Variants in IFT81 observed in about 807,000 individuals in gnomAD.
The protein encoded by IFT81 is intraflagellar transport 81, also known as intraflagellar transport protein 81 homolog.
Under a neutral mutation model 102.6 loss-of-function variants are expected in IFT81, and 72 were observed. That is an observed-to-expected ratio of 0.70 (90% CI 0.58 to 0.85). The LOEUF (loss-of-function observed/expected upper bound fraction) is 0.85, where lower values mean the gene tolerates loss of function less well. IFT81 is among the 40% of genes least tolerant of loss of function. IFT81 has a pLI of 0.00. For missense variants in IFT81, 723 were observed against 787.3 expected, an observed-to-expected ratio of 0.92 and a Z score of 0.98; for synonymous variants, 237 against 242.7, an observed-to-expected ratio of 0.98 and a Z score of 0.22.
At chr12:110,144,964 C>T (rs1895126952) in intron 9 of IFT81, among the ~76,000 whole-genome samples, 1 of 144,750 alleles carries the variant, frequency 6.9e-6, no homozygotes, top group Admixed American at 7.1e-5. Flanking sequence ...CTTCTGGGTT[C>T]AAGCGATTCT....
intron 18 of IFT81, among the ~76,000 whole-genome samples, 193 bp downstream of exon 18, chr12:110,209,409 G>A (rs931816384): frequency 4.6e-5 from 7 of 151,972 alleles, no homozygotes; most frequent in Non-Finnish European, 1.0e-4. Flanking sequence ...ATGGATTTTT[G>A]AAAGAAAAAA....
chr12:110,125,273 A>C (rs1321844601), intron 1 of IFT81, among the ~76,000 whole-genome samples: 1 of 152,238 alleles, frequency 6.6e-6, no homozygotes, highest in Admixed American at 6.5e-5. Context: ...TATAGCTTAA[A>C]GGAAACCTCA....
chr12:110,135,186 T>C (rs1894409278), intron 6 of IFT81, 141 bp from the exon 7 acceptor site: 1 of 712,046 alleles, frequency 1.4e-6, no homozygotes, highest in Non-Finnish European at 2.4e-6. Context: ...TTCAAGGACC[T>C]GGAGCCTAGA....
chr12:110,170,461 T>C (rs1290046496), intron 11 of IFT81, among the ~76,000 whole-genome samples: 1 of 152,216 alleles, frequency 6.6e-6, no homozygotes, highest in Non-Finnish European at 1.5e-5. Context: ...GAATAGAACA[T>C]GTGCCTCTTG....
chr12:110,153,706 G>T (rs1008591487), intron 10 of IFT81, among the ~76,000 whole-genome samples: 1 of 149,346 alleles, frequency 6.7e-6, no homozygotes, highest in Non-Finnish European at 1.5e-5. Flanking sequence ...CGCCTCTCAG[G>T]TTTAAGTGAT....
chr12:110,163,545 T>C (rs538719968), intron 11 of IFT81, among the ~76,000 whole-genome samples: 1 of 150,672 alleles, frequency 6.6e-6, no homozygotes, highest in Admixed American at 6.6e-5. Flanking sequence ...CTGGCCATAC[T>C]GAGAATTTCT....
chr12:110,181,453 G>C (rs549983371), intron 12 of IFT81, among the ~76,000 whole-genome samples: 113 of 152,240 alleles, frequency 7.4e-4, no homozygotes, highest in African/African-American at 2.5e-3. Context: ...TGAATTTCCA[G>C]GTTATTTCCA....
rs968185328 is a variant in IFT81, at chr12:110,124,817, C to G, written c.-66C>G. The G allele has an allele frequency of 6.6e-6, 1 of 152,274 alleles. No homozygotes were observed. Among genetic ancestry groups the G allele is most frequent in the African/African-American group, 2.4e-5 (1 of 41,464 alleles). The allele number at this position is 152,274 out of a possible 1,614,324, so 9.4% of individuals were successfully genotyped here. Reference sequence around the variant, plus strand: ...CCCAAATTGTGCCAGAGAACACGCACGTCCTGGTTTTCATTGTTCCCCGCC... The same window carrying G: ...CCCAAATTGTGCCAGAGAACACGCAGGTCCTGGTTTTCATTGTTCCCCGCC... On this transcript the variant is annotated 5_prime_UTR_variant, in exon 1 of 19. Coordinates refer to ENST00000242591, the MANE Select transcript of IFT81 (RefSeq NM_014055.4).
chr12:110,160,365 A>G (rs1166437129), intron 10 of IFT81, among the ~76,000 whole-genome samples: 2 of 152,194 alleles, frequency 1.3e-5, no homozygotes, highest in African/African-American at 2.4e-5. Context: ...AAAGGCCTAG[A>G]GCCCCAGGAA....
At chr12:110,152,972 G>A (rs1895624103) in intron 10 of IFT81, among the ~76,000 whole-genome samples, 1 of 152,168 alleles carries the variant, frequency 6.6e-6, no homozygotes, top group South Asian at 2.1e-4. Context: ...TTACTCTGTT[G>A]ACAGTGTCTT....
intron 18 of IFT81, among the ~76,000 whole-genome samples, chr12:110,215,464 T>A (rs1157270390): frequency 9.5e-6 from 1 of 105,084 alleles, no homozygotes; most frequent in Non-Finnish European, 2.0e-5. Flanking sequence ...TTTTTTTTTT[T>A]TTTTTTTTTT....
At chr12:110,142,766 A>G (rs1593292730) in intron 8 of IFT81, among the ~76,000 whole-genome samples, 1 of 151,822 alleles carries the variant, frequency 6.6e-6, no homozygotes. Context: ...GGTGATGTAC[A>G]CCTGTGATGC....
intron 8 of IFT81, among the ~76,000 whole-genome samples, chr12:110,137,156 A>G (rs1894563811): frequency 6.6e-6 from 1 of 152,218 alleles, no homozygotes; most frequent in East Asian, 1.9e-4. Flanking sequence ...CCTAGCCAAC[A>G]TGGCGAAACC....
chr12:110,130,365 CTT>C (rs557142989), intron 4 of IFT81, among the ~76,000 whole-genome samples: 6 of 139,074 alleles, frequency 4.3e-5, no homozygotes, highest in Admixed American at 7.3e-5. Context: ...TTGATTAAGT[CTT>C]TTTTTTTTTT....
intron 17 of IFT81, among the ~76,000 whole-genome samples, chr12:110,206,610 G>A (rs111504306): frequency 8.3e-4 from 126 of 151,816 alleles, no homozygotes; most frequent in Non-Finnish European, 1.6e-3. Context: ...GGGGAGCAGG[G>A]GCTGCAGTAA....
At chr12:110,129,543 G>A (rs1894043396) in intron 4 of IFT81, among the ~76,000 whole-genome samples, 1 of 152,060 alleles carries the variant, frequency 6.6e-6, no homozygotes, top group Non-Finnish European at 1.5e-5. Context: ...ACTATCCCAG[G>A]CAAATTGGGA....
At chr12:110,164,317 C>G (rs1896317260) in intron 11 of IFT81, among the ~76,000 whole-genome samples, 1 of 152,100 alleles carries the variant, frequency 6.6e-6, no homozygotes, top group Admixed American at 6.5e-5. Flanking sequence ...ATTTTCCATC[C>G]TCTTTTCATA....
intron 6 of IFT81, 124 bp from the exon 7 acceptor site, chr12:110,135,203 C>G: frequency 1.4e-6 from 1 of 714,238 alleles, no homozygotes. Context: ...TAGAGCTTTA[C>G]TGTCATCTCT....
chr12:110,177,633 T>C (rs1450277995), intron 11 of IFT81, among the ~76,000 whole-genome samples: 1 of 152,202 alleles, frequency 6.6e-6, no homozygotes, highest in African/African-American at 2.4e-5. Flanking sequence ...AAACTAGGAA[T>C]TGGAAGTTTA....
Sources: gnomAD v4.1 joint callset for allele counts (sites outside exome capture counted in the v4.1 genomes callset) on GRCh38, gnomAD v4.1.1 for gene constraint, MANE v1.5 for transcripts, NCBI Gene and HGNC (gene_info 2026-07-23, HGNC 2026-07-21) for gene names.